The following NTN1 variants were observed in gnomAD, a reference collection of about 807,000 sequenced individuals.
The protein encoded by NTN1 is netrin-1.
Under a neutral mutation model 54.2 loss-of-function variants are expected in NTN1, and 11 were observed. The ratio of observed to expected loss-of-function variants is 0.20; its 90% CI spans 0.13 to 0.34. The LOEUF is 0.34. NTN1 is among the 10% of genes least tolerant of loss of function. The pLI is 1.00. For synonymous variants in NTN1, 371 were observed against 382.0 expected, an observed-to-expected ratio of 0.97 and a Z score of 0.33; for missense variants, 740 against 893.1, an observed-to-expected ratio of 0.83 and a Z score of 2.18.
chr17:9,085,455 G>C (rs1301272335), intron 2 of NTN1, among the ~76,000 whole-genome samples: 1 of 152,190 alleles, frequency 6.6e-6, no homozygotes, highest in South Asian at 2.1e-4. Context: ...GCCACACCTG[G>C]CTGCAAGGTA....
At chr17:9,011,142 G>A in the NTN1 span, among the ~76,000 whole-genome samples, 5 of 152,172 alleles carry the variant, frequency 3.3e-5, no homozygotes, top group African/African-American at 4.8e-5. Flanking sequence ...GAGCTCAGGT[G>A]GTAATGCGAG....
intron 2 of NTN1, among the ~76,000 whole-genome samples, chr17:9,044,296 G>A (rs755790724): frequency 1.3e-5 from 2 of 151,488 alleles, no homozygotes; most frequent in East Asian, 1.9e-4. Context: ...GTGCAATGGC[G>A]CGATCTCGGC....
At chr17:9,014,225 A>G in the NTN1 span, among the ~76,000 whole-genome samples, 1 of 152,178 alleles carries the variant, frequency 6.6e-6, no homozygotes, top group African/African-American at 2.4e-5. Context: ...CTGTCCAGGG[A>G]CCTGGGATTC....
At chr17:9,223,354 C>A (rs1026930285) in intron 6 of NTN1, among the ~76,000 whole-genome samples, 2 of 152,110 alleles carry the variant, frequency 1.3e-5, no homozygotes, top group Admixed American at 1.3e-4. Context: ...ATATTTGAGA[C>A]CAGCCTGGCC....
chr17:9,096,864 G>A (rs1356936415), intron 2 of NTN1, among the ~76,000 whole-genome samples: 1 of 152,196 alleles, frequency 6.6e-6, no homozygotes, highest in Non-Finnish European at 1.5e-5. Context: ...TGCTTAAGGA[G>A]TGTTAAATGC....
At chr17:9,030,225 T>A (rs2091884700) in intron 2 of NTN1, among the ~76,000 whole-genome samples, 1 of 152,158 alleles carries the variant, frequency 6.6e-6, no homozygotes, top group African/African-American at 2.4e-5. Context: ...CAGAGGCAGC[T>A]GCTGGCACTC....
chr17:9,027,504 TAGAA>T (rs1442191952), intron 2 of NTN1, among the ~76,000 whole-genome samples: 1 of 152,104 alleles, frequency 6.6e-6, no homozygotes, highest in African/African-American at 2.4e-5. Flanking sequence ...TGCTTTTCCA[TAGAA>T]TGAATGGATG....
chr17:9,202,668 C>G (rs896874910), intron 5 of NTN1, among the ~76,000 whole-genome samples: 8 of 152,102 alleles, frequency 5.3e-5, no homozygotes, highest in African/African-American at 1.4e-4. Flanking sequence ...TGCCACAAAA[C>G]TGTAAAAAAA....
intron 2 of NTN1, among the ~76,000 whole-genome samples, chr17:9,038,279 A>ACACACACACACACACACACACACACC: frequency 6.7e-6 from 1 of 150,082 alleles, no homozygotes; most frequent in South Asian, 2.1e-4. Flanking sequence ...ACACACACAC[A>ACACACACACACACACACACACACACC]CCTGAGATCA....
chr17:9,204,423 A>G (rs1356354470), intron 5 of NTN1, among the ~76,000 whole-genome samples: 1 of 151,816 alleles, frequency 6.6e-6, no homozygotes, highest in Non-Finnish European at 1.5e-5. Flanking sequence ...CCTTCTGAGT[A>G]GCTGGGACTA....
intron 2 of NTN1, among the ~76,000 whole-genome samples, chr17:9,137,676 C>A (rs558147112): frequency 6.4e-4 from 97 of 152,238 alleles, no homozygotes; most frequent in African/African-American, 2.2e-3. Flanking sequence ...CACCTGTAAT[C>A]CCAGCTACTT....
chr17:9,195,192 A>ACCGGCCCCCCCCCCCCCCCCCC, intron 5 of NTN1, among the ~76,000 whole-genome samples: 1 of 142,400 alleles, frequency 7.0e-6, no homozygotes. Flanking sequence ...GGCGAGCTCT[A>ACCGGCCCCCCCCCCCCCCCCCC]CCACCCCTCC....
rs1018304422 is a variant in NTN1, at chr17:9,037,918, C to A, written c.1018+14527C>A. 3.3e-5 allele frequency among the ~76,000 whole-genome samples: 5 copies of A among 152,156 alleles called. No individual in the cohort carries two copies. In the East Asian group the frequency reaches 5.8e-4, roughly 18 times the overall value. ...CTCAGAGGAACACCCAGAACACTTA[C>A]AACGGTTGCAAAGCCCTGTGTGGTC... is the stretch of plus-strand genomic sequence containing the variant. On this transcript the variant is annotated intron_variant, in intron 2 of 6. Transcript: ENST00000173229.
intron 2 of NTN1, among the ~76,000 whole-genome samples, chr17:9,029,713 G>A (rs2091882974): frequency 6.6e-6 from 1 of 152,206 alleles, no homozygotes; most frequent in Non-Finnish European, 1.5e-5. Context: ...TATATCATTG[G>A]CCGGGCGCGG....
At chr17:9,070,153 GC>G in intron 2 of NTN1, among the ~76,000 whole-genome samples, 1 of 152,264 alleles carries the variant, frequency 6.6e-6, no homozygotes, top group South Asian at 2.1e-4. Flanking sequence ...GTGACCTTGG[GC>G]AAATGTCTTA....
rs1457746235 is a variant in NTN1, at chr17:9,023,203, C to T, written c.830C>T (p.Ser277Phe). The T allele has an allele frequency of 6.4e-7, 1 of 1,563,156 alleles. No homozygotes were observed. Among genetic ancestry groups the T allele is most frequent in the Non-Finnish European group, 8.7e-7 (1 of 1,151,750 alleles). The change falls in exon 2 of 7, where the codon TCC becomes TTC. Residue 277 changes from serine (S) to phenylalanine (F), a missense_variant. By Grantham distance (155) the Ser-to-Phe change is radical. Transcript: ENST00000173229. ...LARDSYFYAVSDLQVGGRCKC... is the reference protein window; with the variant it reads ...LARDSYFYAVFDLQVGGRCKC... ...CGCGACTCGTACTTCTACGCGGTGT[C>T]CGACCTGCAGGTGGGCGGCCGGTGC...
intron 2 of NTN1, among the ~76,000 whole-genome samples, chr17:9,120,736 C>T (rs1444099639): frequency 6.6e-6 from 1 of 152,190 alleles, no homozygotes. Flanking sequence ...GGGAGTCCCC[C>T]CAGCCCCTTC....
At position 9,187,540 on chromosome 17, in the gene NTN1, G is replaced by T. The variant is rs192230027; in HGVS notation, c.1411+4571G>T. ...TAAGAAGAAATGAATGGCCAGGTGC[G>T]GTGGCTCACGCCCATAATCCAACCA... On this transcript the variant is annotated intron_variant, in intron 5 of 6. Transcript: ENST00000173229. Among the ~76,000 whole-genome samples the T allele has an allele frequency of 5.8e-4, 88 of 151,974 alleles. No individual in the cohort carries two copies. The Middle Eastern group carries it at 0.01, about 18-fold the overall frequency.
chr17:9,010,497 CT>C, the NTN1 span, among the ~76,000 whole-genome samples: 1 of 152,200 alleles, frequency 6.6e-6, no homozygotes, highest in Admixed American at 6.5e-5. Flanking sequence ...CAAAGGAAGA[CT>C]TCATGAATGT....
Sources: gnomAD v4.1 joint callset for allele counts (sites outside exome capture counted in the v4.1 genomes callset) on GRCh38, gnomAD v4.1.1 for gene constraint, MANE v1.5 for transcripts, NCBI Gene and HGNC (gene_info 2026-07-23, HGNC 2026-07-21) for gene names.